CNTN5: variants seen among roughly 807,000 people sequenced by gnomAD.
CNTN5 encodes the protein contactin-5.
A neutral mutation model predicts 129.1 loss-of-function variants in CNTN5; 77 were observed. That is an observed-to-expected ratio of 0.60 (90% confidence interval 0.50 to 0.72). CNTN5 has a LOEUF of 0.72. Ranked by LOEUF, CNTN5 falls within the 30% of genes least tolerant of loss-of-function variation. The probability of loss-of-function intolerance (pLI) is 0.00; values close to 1 mark genes in which losing one functional copy is unlikely to be tolerated. For missense variants in CNTN5, 1,478 were observed against 1,328.8 expected (o/e 1.11, Z -1.75); for synonymous variants, 509 against 465.6 (o/e 1.09, Z -1.20).
At chr11:99,164,950 G>T (rs1860804713) in intron 1 of CNTN5, among the ~76,000 whole-genome samples, 1 of 152,160 alleles carries the variant, frequency 6.6e-6, no homozygotes, top group Non-Finnish European at 1.5e-5. Context: ...TATCTAAACA[G>T]AAATATGCCA....
chr11:99,741,410 G>A (rs141137428), intron 3 of CNTN5, among the ~76,000 whole-genome samples: 275 of 152,034 alleles, frequency 1.8e-3, no homozygotes, highest in Non-Finnish European at 3.4e-3. Flanking sequence ...TCTATTTAGT[G>A]TGCCTTAAGG....
At chr11:99,918,532 A>T (rs1949852433) in intron 7 of CNTN5, among the ~76,000 whole-genome samples, 1 of 152,150 alleles carries the variant, frequency 6.6e-6, no homozygotes, top group Admixed American at 6.5e-5. Flanking sequence ...CATGCATCCT[A>T]TTACGTTGTG....
chr11:99,143,725 G>T (rs1282247524), intron 1 of CNTN5, among the ~76,000 whole-genome samples: 1 of 152,172 alleles, frequency 6.6e-6, no homozygotes, highest in Non-Finnish European at 1.5e-5. Context: ...CTCTAAAAAT[G>T]TAGGAAAGTT....
chr11:99,554,256 G>A (rs150968071), intron 2 of CNTN5, among the ~76,000 whole-genome samples: 1 of 152,138 alleles, frequency 6.6e-6, no homozygotes, highest in Non-Finnish European at 1.5e-5. Context: ...ATGTATCACT[G>A]TTTGACACTG....
intron 9 of CNTN5, among the ~76,000 whole-genome samples, chr11:100,043,186 T>C (rs1218204362): frequency 6.6e-6 from 1 of 152,236 alleles, no homozygotes; most frequent in African/African-American, 2.4e-5. Context: ...TGAATCATTC[T>C]TGATTTCAAA....
intron 4 of CNTN5, among the ~76,000 whole-genome samples, chr11:99,837,506 T>G (rs1013041041): frequency 6.6e-6 from 1 of 152,014 alleles, no homozygotes; most frequent in Non-Finnish European, 1.5e-5. Flanking sequence ...TAGGAGAGGA[T>G]AAAAGATTGT....
intron 8 of CNTN5, among the ~76,000 whole-genome samples, chr11:99,966,558 A>G (rs1206179928): frequency 1.3e-5 from 2 of 152,172 alleles, no homozygotes; most frequent in East Asian, 1.9e-4. Flanking sequence ...CTTAGCACTT[A>G]ACTCTCTTGT....
intron 24 of CNTN5, among the ~76,000 whole-genome samples, chr11:100,355,252 C>T (rs1274741816): frequency 6.6e-6 from 1 of 151,516 alleles, no homozygotes; most frequent in Non-Finnish European, 1.5e-5. Flanking sequence ...TCACAAACAT[C>T]CACATTAGCA....
chr11:100,195,097 A>G (rs893633664), intron 15 of CNTN5, among the ~76,000 whole-genome samples: 2 of 151,948 alleles, frequency 1.3e-5, no homozygotes, highest in Non-Finnish European at 2.9e-5. Flanking sequence ...CCTTCCTACA[A>G]TACTTTTCCT....
intron 18 of CNTN5, among the ~76,000 whole-genome samples, chr11:100,281,650 C>T (rs1950642998): frequency 6.6e-6 from 1 of 152,140 alleles, no homozygotes. Context: ...GGGAAGTTCT[C>T]TGATATTATC....
Position 100,357,674 on chromosome 11 carries a change from A to G in CNTN5, c.*1454A>G, listed in dbSNP as rs529052167. ...GAACAAAAATTGGTTTTATAATTTT[A>G]TATAATTTAAACTTGTTAACTGTAT... On this transcript the variant is annotated 3_prime_UTR_variant, in exon 25 of 25. Coordinates refer to ENST00000524871, the MANE Select transcript of CNTN5 (RefSeq NM_014361.4). 2 of 151,818 alleles carry G rather than the reference A, an allele frequency of 1.3e-5. No homozygotes were observed. Among genetic ancestry groups the G allele is most frequent in the African/African-American group, 4.8e-5 (2 of 41,408 alleles). The allele number at this position is 151,818 out of a possible 1,614,324, so 9.4% of individuals were successfully genotyped here.
chr11:99,503,663 C>A (rs1030474370), intron 2 of CNTN5, among the ~76,000 whole-genome samples: 1 of 152,140 alleles, frequency 6.6e-6, no homozygotes, highest in Non-Finnish European at 1.5e-5. Flanking sequence ...ATTTTGTCAT[C>A]CGCAGCTTCT....
At chr11:99,734,270 G>A (rs1240853797) in intron 3 of CNTN5, among the ~76,000 whole-genome samples, 1 of 152,046 alleles carries the variant, frequency 6.6e-6, no homozygotes, top group Admixed American at 6.5e-5. Context: ...ACTGTAACAT[G>A]TGCAATAAAT....
chr11:99,429,159 T>G (rs1223920651), intron 2 of CNTN5, among the ~76,000 whole-genome samples: 2 of 152,172 alleles, frequency 1.3e-5, no homozygotes, highest in African/African-American at 4.8e-5. Flanking sequence ...ACCTTATTTA[T>G]TAAAGATTTG....
intron 9 of CNTN5, among the ~76,000 whole-genome samples, chr11:100,041,939 C>T (rs962454802): frequency 6.6e-6 from 1 of 152,104 alleles, no homozygotes; most frequent in Non-Finnish European, 1.5e-5. Context: ...CGTTCTGAGT[C>T]AAGAATCAGA....
At chr11:99,053,690 C>T (rs1294345913) in intron 1 of CNTN5, among the ~76,000 whole-genome samples, 1 of 151,848 alleles carries the variant, frequency 6.6e-6, no homozygotes, top group African/African-American at 2.4e-5. Flanking sequence ...AGAAGTAAAA[C>T]AGGTCAGAAA....
intron 2 of CNTN5, among the ~76,000 whole-genome samples, chr11:99,554,081 A>G (rs940557116): frequency 1.3e-5 from 2 of 151,938 alleles, no homozygotes; most frequent in Non-Finnish European, 2.9e-5. Context: ...TACCATTTAT[A>G]TTTGAGAGTA....
intron 13 of CNTN5, among the ~76,000 whole-genome samples, chr11:100,188,033 C>T (rs931484189): frequency 1.3e-5 from 2 of 152,082 alleles, no homozygotes; most frequent in Admixed American, 6.6e-5. Context: ...TCTCAAACTA[C>T]GCACACAACA....
chr11:100,252,695 T>C (rs1461003487), intron 16 of CNTN5, among the ~76,000 whole-genome samples: 1 of 152,164 alleles, frequency 6.6e-6, no homozygotes, highest in Non-Finnish European at 1.5e-5. Context: ...TGAGGTCTGA[T>C]CTGAAGGCCT....
Sources: gnomAD v4.1 joint callset for allele counts (sites outside exome capture counted in the v4.1 genomes callset) on GRCh38, gnomAD v4.1.1 for gene constraint, MANE v1.5 for transcripts, NCBI Gene and HGNC (gene_info 2026-07-23, HGNC 2026-07-21) for gene names.